ATP8A2: variants seen among roughly 807,000 people sequenced by gnomAD.
ATP8A2 encodes the protein phospholipid-transporting ATPase IB.
Under a neutral mutation model 165.6 loss-of-function variants are expected in ATP8A2, and 100 were observed. That is an observed-to-expected ratio of 0.60 (90% CI 0.51 to 0.71). The LOEUF is 0.71. Ranked by LOEUF, ATP8A2 falls within the 30% of genes least tolerant of loss-of-function variation. The pLI, the probability that ATP8A2 is intolerant of heterozygous loss-of-function variation, is 0.00. For synonymous variants in ATP8A2, 543 were observed against 548.8 expected, an observed-to-expected ratio of 0.99 and a Z score of 0.15; for missense variants, 1,227 against 1,479.5, an observed-to-expected ratio of 0.83 and a Z score of 2.80.
At chr13:25,441,054 T>G (rs2034918514) in intron 1 of ATP8A2, among the ~76,000 whole-genome samples, 1 of 152,204 alleles carries the variant, frequency 6.6e-6, no homozygotes. Context: ...AAAGGAAAAC[T>G]ATAAACTCCT....
chr13:25,692,965 G>A (rs561721772), intron 24 of ATP8A2, among the ~76,000 whole-genome samples: 1 of 152,278 alleles, frequency 6.6e-6, no homozygotes, highest in South Asian at 2.1e-4. Context: ...ACACCTAAAA[G>A]CAAAATACTA....
intron 25 of ATP8A2, among the ~76,000 whole-genome samples, chr13:25,765,002 A>G (rs936536047): frequency 3.9e-5 from 6 of 152,226 alleles, no homozygotes; most frequent in African/African-American, 1.4e-4. Context: ...TATATCAGAT[A>G]AATTAGTGTA....
At chr13:25,685,249 G>A (rs550964933) in intron 24 of ATP8A2, among the ~76,000 whole-genome samples, 2 of 152,228 alleles carry the variant, frequency 1.3e-5, no homozygotes, top group Non-Finnish European at 2.9e-5. Flanking sequence ...TGCTCCCTCC[G>A]TCCAGGCCGA....
At chr13:25,615,155 G>T (rs60760204) in intron 24 of ATP8A2, among the ~76,000 whole-genome samples, 2,175 of 152,234 alleles carry the variant, frequency 0.014, 46 homozygotes, top group African/African-American at 0.05. Context: ...AGACCATCAG[G>T]TGAGGGCAAG....
In ATP8A2 at chr13:25,453,540, T is replaced by C. The variant is rs180682562; in HGVS notation, c.77-15437T>C. On this transcript the variant is annotated intron_variant, in intron 1 of 36. Coordinates refer to ENST00000381655, the MANE Select transcript of ATP8A2 (RefSeq NM_016529.6). ...TGCTTTTATTCTTCTGTGCTAGTTC[T>C]TGCCTGAGTTGTCATTTCTGACTAG... Among the ~76,000 whole-genome samples, 544 of 152,276 alleles carry C rather than the reference T, an allele frequency of 3.6e-3. 1 individual carries two copies. The highest frequency in any genetic ancestry group is 0.012 in the South Asian group (57 of 4,828).
chr13:25,587,038 T>C (rs568870880), intron 23 of ATP8A2, among the ~76,000 whole-genome samples: 10 of 152,318 alleles, frequency 6.6e-5, no homozygotes, highest in African/African-American at 2.4e-4. Context: ...CCAGAGGTTC[T>C]CCTCTCAGTC....
chr13:25,567,464 T>G, intron 16 of ATP8A2: 2 of 450,714 alleles, frequency 4.4e-6, no homozygotes, highest in Non-Finnish European at 8.9e-6. Context: ...CCAAATTTCT[T>G]TTTAGTTTAG....
intron 33 of ATP8A2, among the ~76,000 whole-genome samples, chr13:25,925,322 C>A (rs574773803): frequency 1.1e-4 from 16 of 152,238 alleles, no homozygotes; most frequent in Middle Eastern, 3.4e-3. Flanking sequence ...ACCACAAGGT[C>A]AGGAGATCGA....
At chr13:25,382,905 G>A (rs144345817) in intron 1 of ATP8A2, among the ~76,000 whole-genome samples, 1,925 of 143,920 alleles carry the variant, frequency 0.013, 45 homozygotes, top group African/African-American at 0.046. Context: ...ACAGGTGCCC[G>A]CCACCATGCC....
Position 25,452,338 on chromosome 13 carries a change from C to T in ATP8A2, c.77-16639C>T, listed in dbSNP as rs533606236. ...ACAGAGCGGAGGTCATGTCCTGTTCCTTAGGTGCAACAGGGTTGAAGGATT... is the reference window on the plus strand; with the variant it reads ...ACAGAGCGGAGGTCATGTCCTGTTCTTTAGGTGCAACAGGGTTGAAGGATT... On this transcript the variant is annotated intron_variant, in intron 1 of 36. Transcript: ENST00000381655. 4.6e-5 allele frequency among the ~76,000 whole-genome samples: 7 copies of T among 152,336 alleles called. No homozygotes were observed. In the South Asian group the frequency reaches 1.4e-3, roughly 32 times the overall value.
intron 25 of ATP8A2, among the ~76,000 whole-genome samples, chr13:25,738,695 C>G (rs1236906255): frequency 6.6e-6 from 1 of 152,254 alleles, no homozygotes; most frequent in Non-Finnish European, 1.5e-5. Context: ...GGCAAAATGA[C>G]TGGAATCAAG....
intron 35 of ATP8A2, among the ~76,000 whole-genome samples, chr13:25,970,233 C>T (rs545226608): frequency 6.6e-6 from 1 of 152,316 alleles, no homozygotes; most frequent in South Asian, 2.1e-4. Context: ...GAGCAAAACT[C>T]TCAAACTCCT....
At chr13:25,539,288 C>A (rs918037323) in intron 7 of ATP8A2, among the ~76,000 whole-genome samples, 1 of 151,844 alleles carries the variant, frequency 6.6e-6, no homozygotes, top group Non-Finnish European at 1.5e-5. Flanking sequence ...TTTGTAGAGG[C>A]TCATTTTTAA....
intron 1 of ATP8A2, among the ~76,000 whole-genome samples, chr13:25,408,387 G>A (rs1320894950): frequency 9.4e-5 from 9 of 95,506 alleles, no homozygotes; most frequent in African/African-American, 4.1e-4. Flanking sequence ...GCAAGACTCC[G>A]TCTCAAAAAA....
intron 1 of ATP8A2, among the ~76,000 whole-genome samples, chr13:25,389,086 G>A (rs1269010889): frequency 6.6e-6 from 1 of 152,188 alleles, no homozygotes; most frequent in Admixed American, 6.5e-5. Flanking sequence ...AGACAAACAA[G>A]AACTTGGTCA....
At chr13:25,554,817 C>T (rs1039074276) in intron 12 of ATP8A2, among the ~76,000 whole-genome samples, 174 bp from the exon 13 acceptor site, 1 of 152,108 alleles carries the variant, frequency 6.6e-6, no homozygotes, top group African/African-American at 2.4e-5. Flanking sequence ...ACTTCGGCCT[C>T]CCAAAGTGGT....
Position 25,813,170 on chromosome 13 carries a change from A to G in ATP8A2, c.2680-14948A>G, listed in dbSNP as rs142810055. On this transcript the variant is annotated intron_variant, in intron 27 of 36. Transcript: ENST00000381655. ...AAACCACCATAGCACATGTTTACCT[A>G]TGTAACAAACCTGCACATCCTGCGC... Among the ~76,000 whole-genome samples the G allele has an allele frequency of 2.0e-3, 300 of 152,252 alleles. 2 individuals are homozygous for G. The highest frequency in any genetic ancestry group is 2.7e-3 in the Non-Finnish European group (187 of 68,016).
chr13:25,562,065 A>T (rs765285664), intron 15 of ATP8A2, among the ~76,000 whole-genome samples: 1 of 152,186 alleles, frequency 6.6e-6, no homozygotes, highest in African/African-American at 2.4e-5. Context: ...TACTGTGAAT[A>T]ACGCTGCTGT....
chr13:25,447,695 G>A (rs1315520327), intron 1 of ATP8A2, among the ~76,000 whole-genome samples: 1 of 152,186 alleles, frequency 6.6e-6, no homozygotes, highest in East Asian at 1.9e-4. Context: ...GGAGGGTCAG[G>A]GTGACAGCCT....
Sources: gnomAD v4.1 joint callset for allele counts (sites outside exome capture counted in the v4.1 genomes callset) on GRCh38, gnomAD v4.1.1 for gene constraint, MANE v1.5 for transcripts, NCBI Gene and HGNC (gene_info 2026-07-23, HGNC 2026-07-21) for gene names.